The following SRP68 variants were observed in gnomAD, a reference collection of about 807,000 sequenced individuals.
The protein encoded by SRP68 is signal recognition particle subunit SRP68.
A neutral mutation model predicts 82.2 loss-of-function variants in SRP68; 15 were observed. The ratio of observed to expected loss-of-function variants is 0.18; its 90% CI spans 0.12 to 0.28. The LOEUF (loss-of-function observed/expected upper bound fraction) is 0.28. Ranked by LOEUF, SRP68 falls within the 10% of genes least tolerant of loss-of-function variation. The pLI is 1.00. For missense variants in SRP68, 595 were observed against 780.5 expected (o/e 0.76, Z 2.83); for synonymous variants, 261 against 292.6 (o/e 0.89, Z 1.10).
At chr17:76,042,279 C>G (rs1174533059) in intron 13 of SRP68, among the ~76,000 whole-genome samples, 1 of 152,042 alleles carries the variant, frequency 6.6e-6, no homozygotes, top group Non-Finnish European at 1.5e-5. Flanking sequence ...TCACAGCACG[C>G]CACAAGCTTA....
rs2066571598 is a variant in SRP68, at chr17:76,039,382, G to A, written c.*324C>T. The A allele has an allele frequency of 1.9e-6, 1 of 531,434 alleles. No homozygotes were observed. The highest frequency in any genetic ancestry group is 3.6e-6 in the Non-Finnish European group (1 of 276,182). The allele number at this position is 531,434 out of a possible 1,614,324, so 32.9% of individuals were successfully genotyped here. A position where few individuals can be genotyped will look rare whatever the true frequency, so the allele number is the denominator to read the frequency against. ...CAAAGCGTTTCAAGGCCCCATCTGT[G>A]CCTGGTGTGGACTCCTGAACGCATT... On this transcript the variant is annotated 3_prime_UTR_variant, in exon 16 of 16. Transcript: ENST00000307877.
In SRP68 at chr17:76,059,270, C is replaced by T. The variant is rs559842969; in HGVS notation, c.837+1038G>A. ...AAAAAATAATAATAAGTAAGCCGGG[C>T]GCGGTGGCTCACGCCTATACTCCCA... On this transcript the variant is annotated intron_variant, in intron 7 of 15. Coordinates refer to ENST00000307877, the MANE Select transcript of SRP68 (RefSeq NM_014230.4). Among the ~76,000 whole-genome samples, 49 of 152,198 alleles carry T rather than the reference C, an allele frequency of 3.2e-4. 1 individual carries two copies. The South Asian group carries it at 7.3e-3, about 23-fold the overall frequency.
Position 76,062,888 on chromosome 17 carries a change from T to A in SRP68, c.561+1088A>T, listed in dbSNP as rs565702544. Among the ~76,000 whole-genome samples the A allele has an allele frequency of 1.2e-3, 175 of 146,604 alleles. 1 individual carries two copies. The highest frequency in any genetic ancestry group is 4.4e-3 in the East Asian group (22 of 5,046). On this transcript the variant is annotated intron_variant, in intron 4 of 15. Transcript: ENST00000307877. ...CGGGTTCACACCATTCTCCTGCCTC[T>A]GCCTCCTGAGTAGCTGGGACTACAG...
chr17:76,042,246 A>AACAAGT (rs2066596706), intron 13 of SRP68, among the ~76,000 whole-genome samples: 1 of 152,026 alleles, frequency 6.6e-6, no homozygotes, highest in Non-Finnish European at 1.5e-5. Context: ...AGACCAGCTG[A>AACAAGT]TGTTGCAACA....
intron 4 of SRP68, among the ~76,000 whole-genome samples, chr17:76,062,594 ATATACAT>A (rs1392428851): frequency 1.0e-5 from 1 of 97,478 alleles, no homozygotes; most frequent in Non-Finnish European, 1.9e-5. Context: ...ATAATATATA[ATATACAT>A]TATATATTAT....
In SRP68 at chr17:76,061,786, C is replaced by A. The variant is rs1259384547; in HGVS notation, c.562-212G>T. The A allele has an allele frequency of 6.1e-6, 2 of 327,704 alleles. 1 individual carries two copies. The highest frequency in any genetic ancestry group is 1.8e-4 in the South Asian group (2 of 10,864). 20.3% of individuals were successfully genotyped at this position (327,704 alleles called of 1,614,324 possible). On this transcript the variant is annotated intron_variant, in intron 4 of 15. Coordinates refer to ENST00000307877, the MANE Select transcript of SRP68 (RefSeq NM_014230.4). Reference sequence around the variant, plus strand: ...ACAAGCCAGGGCAATATAGCAAGACCCTGCCTCTACAAAAAAATTTAAAAA... The same window carrying A: ...ACAAGCCAGGGCAATATAGCAAGACACTGCCTCTACAAAAAAATTTAAAAA...
At chr17:76,070,317 T>A (rs2066841205) in intron 2 of SRP68, 61 bp downstream of exon 2, 9 of 1,340,060 alleles carry the variant, frequency 6.7e-6, no homozygotes, top group Non-Finnish European at 8.6e-6. Context: ...GTAAACAGGA[T>A]ATTAACAAAA....
intron 9 of SRP68, 69 bp downstream of exon 9, chr17:76,050,359 C>G: frequency 8.6e-7 from 1 of 1,158,034 alleles, no homozygotes; most frequent in Non-Finnish European, 1.3e-6. Context: ...TGGGGTCCAC[C>G]TGAGAAGGGG....
chr17:76,045,937 G>A (rs2066626705), intron 11 of SRP68, 101 bp downstream of exon 11: 4 of 1,452,244 alleles, frequency 2.8e-6, no homozygotes, highest in Non-Finnish European at 3.8e-6. Flanking sequence ...AATAGGTCCT[G>A]CTTGTCACAG....
chr17:76,052,836 G>C (rs2066684318), intron 8 of SRP68, among the ~76,000 whole-genome samples: 1 of 148,244 alleles, frequency 6.7e-6, no homozygotes, highest in East Asian at 2.0e-4. Flanking sequence ...TAGATGATGA[G>C]TTGATAGGTG....
rs2066580464 is a variant in SRP68 at position 76,040,412 on chromosome 17, G to A, written c.1656+7C>T. 6.2e-7 allele frequency: 1 copy of A among 1,613,656 alleles called. No individual in the cohort carries two copies. The highest frequency in any genetic ancestry group is 2.2e-5 in the East Asian group (1 of 44,888). On this transcript the variant is annotated splice_region_variant and intron_variant, in intron 15 of 15. Coordinates refer to ENST00000307877, the MANE Select transcript of SRP68 (RefSeq NM_014230.4). ...CGTATTCCTCAAAAACCATGGCCCA[G>A]ACTTACCTTATTGTCCTTGACTTGG...
intron 8 of SRP68, chr17:76,053,420 G>A (rs1398748126): frequency 7.1e-6 from 7 of 981,772 alleles, no homozygotes; most frequent in African/African-American, 3.5e-5. Context: ...AGCAACCGGC[G>A]TTCAAGAAAA....
At chr17:76,057,327 A>T in intron 8 of SRP68, 76 bp downstream of exon 8, 1 of 1,573,904 alleles carries the variant, frequency 6.4e-7, no homozygotes, top group Non-Finnish European at 8.7e-7. Context: ...AATACCAACG[A>T]GCCACTACAT....
In SRP68 at chr17:76,039,429, A is replaced by G. The variant is rs2066572077; in HGVS notation, c.*277T>C. ...CATTACTGACCAAAGGCAATCAATC[A>G]CAGCTCACAGGGCACCAGACAGCAG... is the stretch of plus-strand genomic sequence containing the variant. On this transcript the variant is annotated 3_prime_UTR_variant, in exon 16 of 16. Transcript: ENST00000307877. The G allele has an allele frequency of 1.5e-5, 9 of 611,656 alleles. 1 individual carries two copies. Among genetic ancestry groups the G allele is most frequent in the South Asian group, 1.4e-4 (9 of 65,834 alleles). The allele number at this position is 611,656 out of a possible 1,614,324, so 37.9% of individuals were successfully genotyped here. A position where few individuals can be genotyped will look rare whatever the true frequency, so the allele number is the denominator to read the frequency against.
chr17:76,052,690 G>C (rs1326056030), intron 8 of SRP68, among the ~76,000 whole-genome samples: 3 of 151,734 alleles, frequency 2.0e-5, no homozygotes, highest in Non-Finnish European at 4.4e-5. Context: ...TGTAGTCCCA[G>C]CTACTAGGGA....
chr17:76,050,591 A>G (rs2665972), intron 8 of SRP68, 65 bp from the exon 9 acceptor site: 526,787 of 1,246,292 alleles, frequency 0.42, 121,673 homozygotes, highest in African/African-American at 0.87. Flanking sequence ...CTAATGGGAG[A>G]GGAGCAAAAT....
intron 4 of SRP68, among the ~76,000 whole-genome samples, chr17:76,062,152 C>T (rs1199377692): frequency 2.0e-5 from 3 of 151,422 alleles, no homozygotes; most frequent in South Asian, 2.1e-4. Context: ...CTGGACATGG[C>T]GGCAGGCGCC....
In SRP68 at chr17:76,072,413, T is replaced by TACCGCCGCC; in HGVS notation, c.70_78dup (p.Gly24_Gly26dup). On this transcript the variant is annotated inframe_insertion, in exon 1 of 16. Coordinates refer to ENST00000307877, the MANE Select transcript of SRP68 (RefSeq NM_014230.4). The surrounding 1 kb of genome is among the most constrained non-coding windows in gnomAD (Gnocchi z 4.5). ...CCTCCGGCACCACGTCCACCGCCGCTACCGCCGCCGCCACTGCCACCGCCG... is the reference window on the plus strand; with the variant it reads ...CCTCCGGCACCACGTCCACCGCCGCTACCGCCGCCACCGCCGCCGCCACTGCCACCGCCG... 1 of 1,596,332 alleles carries TACCGCCGCC rather than the reference T, an allele frequency of 6.3e-7. No individual in the cohort carries two copies.
At chr17:76,061,069 A>G (rs369787171) in intron 6 of SRP68, 41 bp downstream of exon 6, 20 of 1,216,558 alleles carry the variant, frequency 1.6e-5, no homozygotes, top group Admixed American at 3.5e-5. Flanking sequence ...GCCATCTATC[A>G]ATGTTCAAGT....
Sources: allele counts gnomAD v4.1 joint callset (sites outside exome capture counted in the v4.1 genomes callset), GRCh38; gene constraint gnomAD v4.1.1; non-coding constraint Gnocchi (gnomAD v3.1); transcripts MANE v1.5; gene names NCBI Gene and HGNC (gene_info 2026-07-23, HGNC 2026-07-21).